Variants in HECTD2 observed in about 807,000 individuals in gnomAD.
HECTD2 encodes the protein probable E3 ubiquitin-protein ligase HECTD2.
Under a neutral mutation model 103.2 loss-of-function variants are expected in HECTD2, and 35 were observed. The observed-to-expected ratio is 0.34, with a 90% CI of 0.26 to 0.45. The LOEUF is 0.45. Ranked by LOEUF, HECTD2 falls within the 20% of genes least tolerant of loss-of-function variation. HECTD2 has a pLI of 1.00. For synonymous variants in HECTD2, 281 were observed against 329.9 expected (o/e 0.85, Z 1.61); for missense variants, 596 against 937.4 (o/e 0.64, Z 4.76).
At chr10:91,505,234 C>G (rs931920008) in intron 20 of HECTD2, among the ~76,000 whole-genome samples, 2 of 151,590 alleles carry the variant, frequency 1.3e-5, no homozygotes, top group African/African-American at 4.9e-5. Flanking sequence ...AAGTAACCAG[C>G]TAACATCATA....
intron 10 of HECTD2, 108 bp downstream of exon 10, chr10:91,485,411 TATAA>T (rs1846231225): frequency 1.3e-6 from 1 of 765,726 alleles, no homozygotes; most frequent in Non-Finnish European, 2.1e-6. Flanking sequence ...CATATAAATG[TATAA>T]ATATAGTTCA....
At chr10:91,467,124 A>G (rs565971189) in intron 5 of HECTD2, among the ~76,000 whole-genome samples, 1 of 152,234 alleles carries the variant, frequency 6.6e-6, no homozygotes, top group African/African-American at 2.4e-5. Context: ...GGATTCATTC[A>G]TGACCCCCAG....
At chr10:91,464,914 T>C (rs778812251) in intron 5 of HECTD2, among the ~76,000 whole-genome samples, 5 of 152,228 alleles carry the variant, frequency 3.3e-5, no homozygotes, top group Non-Finnish European at 7.3e-5. Flanking sequence ...AAACCCTAAA[T>C]GGAACCTAAA....
intron 1 of HECTD2, among the ~76,000 whole-genome samples, chr10:91,415,148 G>GA (rs1843070019): frequency 6.6e-6 from 1 of 151,670 alleles, no homozygotes; most frequent in African/African-American, 2.4e-5. Context: ...AAAGGAAAAG[G>GA]ACTCAGGTTT....
chr10:91,495,969 T>C (rs1003356912), intron 14 of HECTD2, among the ~76,000 whole-genome samples: 1 of 152,172 alleles, frequency 6.6e-6, no homozygotes, highest in Non-Finnish European at 1.5e-5. Flanking sequence ...GATAAACTTT[T>C]CTAGGGAAAT....
chr10:91,467,940 C>T (rs1845588522), intron 5 of HECTD2, among the ~76,000 whole-genome samples: 2 of 149,742 alleles, frequency 1.3e-5, no homozygotes, highest in African/African-American at 2.5e-5. Flanking sequence ...TCCAGCATTC[C>T]TGCCCCCCAC....
At chr10:91,431,527 C>T (rs920959322) in intron 2 of HECTD2, among the ~76,000 whole-genome samples, 1 of 152,038 alleles carries the variant, frequency 6.6e-6, no homozygotes, top group Non-Finnish European at 1.5e-5. Context: ...CAATCAGACG[C>T]AGATTTGGTT....
chr10:91,430,040 A>C (rs1407680491), intron 2 of HECTD2, among the ~76,000 whole-genome samples: 4 of 152,100 alleles, frequency 2.6e-5, no homozygotes, highest in Non-Finnish European at 5.9e-5. Flanking sequence ...CCCTCTACAC[A>C]CTGCTTTGAA....
chr10:91,494,042 AT>A (rs1343922554), intron 14 of HECTD2, among the ~76,000 whole-genome samples: 2 of 152,040 alleles, frequency 1.3e-5, no homozygotes, highest in African/African-American at 4.8e-5. Context: ...CAATCCTATG[AT>A]TCCTATCAGG....
Position 91,512,396 on chromosome 10 carries a change from T to C in HECTD2, c.*12T>C. Reference sequence around the variant, plus strand: ...TTGGACTTGAGTAACCTAGAAGACTTGAAATATAATCTTTTATATGTAGCA... The same window carrying C: ...TTGGACTTGAGTAACCTAGAAGACTCGAAATATAATCTTTTATATGTAGCA... On this transcript the variant is annotated 3_prime_UTR_variant, in exon 21 of 21. Transcript: ENST00000298068. The C allele has an allele frequency of 1.9e-6, 3 of 1,609,212 alleles. No homozygotes were observed. The highest frequency in any genetic ancestry group is 2.6e-6 in the Non-Finnish European group (3 of 1,176,308).
At chr10:91,455,189 G>C (rs1406100586) in intron 2 of HECTD2, among the ~76,000 whole-genome samples, 2 of 152,150 alleles carry the variant, frequency 1.3e-5, no homozygotes, top group Admixed American at 1.3e-4. Context: ...CCCACAAACA[G>C]GGTAAAAGTG....
At chr10:91,412,668 A>ATGTGTGTGTGTGTG (rs58691011) in intron 1 of HECTD2, among the ~76,000 whole-genome samples, 5,951 of 147,172 alleles carry the variant, frequency 0.04, 311 homozygotes, top group African/African-American at 0.12. Flanking sequence ...CTGTGGCAGA[A>ATGTGTGTGTGTGTG]TGTGTGTGTG....
In HECTD2 at chr10:91,498,860, A is replaced by G. The variant is rs780535473; in HGVS notation, c.1756-12A>G. The G allele has an allele frequency of 1.7e-5, 25 of 1,487,552 alleles. No homozygotes were observed. Among genetic ancestry groups the G allele is most frequent in the South Asian group, 2.3e-5 (2 of 85,972 alleles). 92.1% of individuals were successfully genotyped at this position (1,487,552 alleles called of 1,614,324 possible). On this transcript the variant is annotated splice_polypyrimidine_tract_variant and intron_variant, in intron 16 of 20. Coordinates refer to ENST00000298068, the MANE Select transcript of HECTD2 (RefSeq NM_182765.6). ...CAACCATATTAATATGTGTAATGGC[A>G]TCTCCCATCAGGTTTTTCAAGAAGA...
intron 5 of HECTD2, among the ~76,000 whole-genome samples, chr10:91,464,870 T>G (rs767310206): frequency 2.6e-5 from 4 of 152,164 alleles, no homozygotes; most frequent in Admixed American, 6.5e-5. Context: ...ATGTTATATA[T>G]GTTAAAAAAT....
At chr10:91,431,126 C>T (rs1455996743) in intron 2 of HECTD2, among the ~76,000 whole-genome samples, 2 of 151,572 alleles carry the variant, frequency 1.3e-5, no homozygotes, top group Non-Finnish European at 2.9e-5. Context: ...TTTTATTTCT[C>T]CTTCACTTAG....
chr10:91,498,949 A>G lies in HECTD2; in HGVS notation c.1833A>G (p.Gln611=), dbSNP rs766501612. ...GTGATAAAATTTCAGTTACCAATCA[A>G]AATAGAAAAGGTAAGTTAATACCCT... ...PGGDKISVTN[Q]NRKEYVQLYT... is the part of the protein sequence containing the mutation. Residue 611 remains glutamine, a synonymous_variant, in exon 17 of 21, where the codon CAA becomes CAG. Coordinates refer to ENST00000298068, the MANE Select transcript of HECTD2 (RefSeq NM_182765.6). 3.1e-6 allele frequency: 5 copies of G among 1,593,858 alleles called. No homozygotes were observed. The highest frequency in any genetic ancestry group is 1.3e-5 in the African/African-American group (1 of 74,388).
At chr10:91,417,934 T>TCAC (rs1390397111) in intron 1 of HECTD2, among the ~76,000 whole-genome samples, 2 of 152,206 alleles carry the variant, frequency 1.3e-5, no homozygotes, top group Admixed American at 1.3e-4. Flanking sequence ...CCCTGAGGAA[T>TCAC]CACCACACTG....
At chr10:91,433,603 G>A (rs1197700244) in intron 2 of HECTD2, among the ~76,000 whole-genome samples, 2 of 151,912 alleles carry the variant, frequency 1.3e-5, no homozygotes, top group African/African-American at 4.8e-5. Flanking sequence ...TAAAATAAAT[G>A]ATTTGTGTTC....
At chr10:91,444,487 C>T (rs550257987) in intron 2 of HECTD2, among the ~76,000 whole-genome samples, 1 of 152,312 alleles carries the variant, frequency 6.6e-6, no homozygotes, top group African/African-American at 2.4e-5. Context: ...AATGTTAACA[C>T]ACTATGTTAA....
Sources: gnomAD v4.1 joint callset for allele counts (sites outside exome capture counted in the v4.1 genomes callset) on GRCh38, gnomAD v4.1.1 for gene constraint, MANE v1.5 for transcripts, NCBI Gene and HGNC (gene_info 2026-07-23, HGNC 2026-07-21) for gene names.